The following WNT3 variants were observed in gnomAD, a reference collection of about 807,000 sequenced individuals.
The protein encoded by WNT3 is proto-oncogene Wnt-3.
In WNT3, 7 loss-of-function variants were observed where a neutral mutation model predicts 34.2. The observed-to-expected ratio is 0.20, with a 90% CI of 0.12 to 0.38. The LOEUF (loss-of-function observed/expected upper bound fraction) is 0.38. Among genes scored for constraint, WNT3 ranks in the 10% least tolerant of loss-of-function variants. The pLI is 1.00. For synonymous variants in WNT3, 212 were observed against 211.5 expected (o/e 1.00, Z -0.02); for missense variants, 267 against 499.8 (o/e 0.53, Z 4.44).
At chr17:46,773,616 T>TGGGGGGG in intron 2 of WNT3, 52 bp downstream of exon 2, 1 of 997,790 alleles carries the variant, frequency 1.0e-6, no homozygotes. Flanking sequence ...CATACAGTCC[T>TGGGGGGG]GATCCCTCCC....
rs911628711 is a variant in WNT3 at position 46,815,108 on chromosome 17, C to T, written c.80+3410G>A. ...CTCCAGCAGGCCCCCTCCATCTGCA[C>T]GTCCATCGCTGGAATGTAGCAGGTG... On this transcript the variant is annotated intron_variant, in intron 1 of 4. Transcript: ENST00000225512. Among the ~76,000 whole-genome samples the T allele has an allele frequency of 5.3e-5, 8 of 152,238 alleles. 1 individual carries two copies. Among genetic ancestry groups the T allele is most frequent in the Admixed American group, 4.6e-4 (7 of 15,298 alleles).
At chr17:46,795,469 T>C (rs1488043398) in intron 1 of WNT3, among the ~76,000 whole-genome samples, 1 of 152,012 alleles carries the variant, frequency 6.6e-6, no homozygotes, top group Non-Finnish European at 1.5e-5. Flanking sequence ...CGACAGCAAA[T>C]TCTCCTCCAG....
At chr17:46,818,397 G>A in intron 1 of WNT3, 121 bp downstream of exon 1, 2 of 970,854 alleles carry the variant, frequency 2.1e-6, no homozygotes, top group Non-Finnish European at 3.2e-6. Context: ...CGGGTGGGGG[G>A]CTGGAGGGAG....
At chr17:46,787,811 C>G (rs1012395367) in intron 1 of WNT3, among the ~76,000 whole-genome samples, 1 of 152,166 alleles carries the variant, frequency 6.6e-6, no homozygotes, top group Admixed American at 6.6e-5. Context: ...AAAAAATTAA[C>G]CAGGCGTGGT....
intron 1 of WNT3, among the ~76,000 whole-genome samples, chr17:46,798,502 G>A (rs2084082611): frequency 6.6e-6 from 1 of 152,138 alleles, no homozygotes; most frequent in Non-Finnish European, 1.5e-5. Context: ...TTAGGCTTGT[G>A]CCAGCCATAC....
chr17:46,791,263 T>C (rs2083983038), intron 1 of WNT3, among the ~76,000 whole-genome samples: 1 of 151,924 alleles, frequency 6.6e-6, no homozygotes, highest in Non-Finnish European at 1.5e-5. Context: ...ACCCAGGCTG[T>C]AGTGCAGTGG....
chr17:46,800,354 G>A (rs1486505017), intron 1 of WNT3, among the ~76,000 whole-genome samples: 3 of 151,990 alleles, frequency 2.0e-5, no homozygotes, highest in South Asian at 2.1e-4. Flanking sequence ...CAGGTGATCC[G>A]CCCACCTCGG....
chr17:46,800,848 G>T (rs867855016), intron 1 of WNT3, among the ~76,000 whole-genome samples: 1 of 152,208 alleles, frequency 6.6e-6, no homozygotes, highest in African/African-American at 2.4e-5. Context: ...TGGGGCCGCG[G>T]TGCTGAGGGA....
At chr17:46,780,245 T>A (rs769980595) in intron 1 of WNT3, among the ~76,000 whole-genome samples, 2 of 152,214 alleles carry the variant, frequency 1.3e-5, no homozygotes, top group Non-Finnish European at 2.9e-5. Context: ...AATCCCCTGC[T>A]GATGGGGGTC....
chr17:46,773,562 G>A lies in WNT3; in HGVS notation c.322+106C>T, dbSNP rs564342396. ...ACCAAATTTATCACCCTCCCAGAGGGACCCTGGCTTCAGAGAAGAGGCACC... is the reference window on the plus strand; with the variant it reads ...ACCAAATTTATCACCCTCCCAGAGGAACCCTGGCTTCAGAGAAGAGGCACC... On this transcript the variant is annotated intron_variant, in intron 2 of 4. Transcript: ENST00000225512. 10 of 1,301,272 alleles carry A rather than the reference G, an allele frequency of 7.7e-6. No individual in the cohort carries two copies. In the African/African-American group the frequency reaches 1.5e-4, roughly 19 times the overall value. The allele number at this position is 1,301,272 out of a possible 1,614,324, so 80.6% of individuals were successfully genotyped here. A position where few individuals can be genotyped will look rare whatever the true frequency, so the allele number is the denominator to read the frequency against.
At chr17:46,773,531 C>A in intron 2 of WNT3, 137 bp downstream of exon 2, 1 of 1,020,546 alleles carries the variant, frequency 9.8e-7, no homozygotes, top group Admixed American at 2.7e-5. Flanking sequence ...GTGTGGCAGT[C>A]ATGCAACCAA....
Position 46,812,013 on chromosome 17 carries a change from C to T in WNT3, c.80+6505G>A, listed in dbSNP as rs753393018. Among the ~76,000 whole-genome samples, 17 of 152,260 alleles carry T rather than the reference C, an allele frequency of 1.1e-4. 3 individuals are homozygous for T. Among genetic ancestry groups the T allele is most frequent in the Admixed American group, 7.8e-4 (12 of 15,288 alleles). ...CTCTGCCCAGGTGCCTTAGCTATTC[C>T]GCTGCCCAGAAGCAGGGAGGAGACC... On this transcript the variant is annotated intron_variant, in intron 1 of 4. Coordinates refer to ENST00000225512, the MANE Select transcript of WNT3 (RefSeq NM_030753.5).
At chr17:46,770,872 A>T (rs2059359984) in intron 2 of WNT3, among the ~76,000 whole-genome samples, 1 of 152,238 alleles carries the variant, frequency 6.6e-6, no homozygotes. Context: ...ATAGATGTGG[A>T]CATTGACGAT....
chr17:46,776,661 C>T (rs1161265596), intron 1 of WNT3, among the ~76,000 whole-genome samples: 1 of 152,146 alleles, frequency 6.6e-6, no homozygotes, highest in Non-Finnish European at 1.5e-5. Flanking sequence ...CACAGCCCTG[C>T]AATCACTGGA....
chr17:46,787,949 C>T (rs1163108733), intron 1 of WNT3, among the ~76,000 whole-genome samples: 3 of 146,108 alleles, frequency 2.1e-5, no homozygotes, highest in Non-Finnish European at 4.5e-5. Context: ...GAGTGAGACT[C>T]TGCCTCAGAA....
At chr17:46,813,667 G>A (rs1416044476) in intron 1 of WNT3, among the ~76,000 whole-genome samples, 1 of 152,022 alleles carries the variant, frequency 6.6e-6, no homozygotes, top group Non-Finnish European at 1.5e-5. Flanking sequence ...CTTTTCCCTG[G>A]AAGGGTTTGT....
chr17:46,765,268 A>G (rs574458614), intron 4 of WNT3, among the ~76,000 whole-genome samples: 5 of 152,354 alleles, frequency 3.3e-5, no homozygotes, highest in African/African-American at 1.2e-4. Flanking sequence ...TCTCTCAGCA[A>G]GGCAGTAACA....
intron 1 of WNT3, among the ~76,000 whole-genome samples, chr17:46,811,376 C>T (rs3933653): frequency 0.17 from 25,954 of 151,940 alleles, 2,985 homozygotes; most frequent in Non-Finnish European, 0.25. Flanking sequence ...CTGCACCCAG[C>T]GGCATTGGGG....
In WNT3 at chr17:46,793,705, A is replaced by G. The variant is rs543865902; in HGVS notation, c.81-19796T>C. 3.9e-5 allele frequency among the ~76,000 whole-genome samples: 6 copies of G among 152,332 alleles called. No homozygotes were observed. The East Asian group carries it at 1.2e-3, about 29-fold the overall frequency. Reference sequence around the variant, plus strand: ...CAGCAGATGCTGACAAATGTGGGCAAGAGTTCCTGAGAGAGAGGCCAGGGT... The same window carrying G: ...CAGCAGATGCTGACAAATGTGGGCAGGAGTTCCTGAGAGAGAGGCCAGGGT... On this transcript the variant is annotated intron_variant, in intron 1 of 4. Transcript: ENST00000225512.
Sources: allele counts gnomAD v4.1 joint callset (sites outside exome capture counted in the v4.1 genomes callset), GRCh38; gene constraint gnomAD v4.1.1; transcripts MANE v1.5; gene names NCBI Gene and HGNC (gene_info 2026-07-23, HGNC 2026-07-21).